The following PFKFB3 variants were observed in gnomAD, a reference collection of about 807,000 sequenced individuals.
PFKFB3 encodes the protein 6-phosphofructo-2-kinase/fructose-2,6-bisphosphatase 3.
Under a neutral mutation model 68.0 loss-of-function variants are expected in PFKFB3, and 33 were observed. The observed-to-expected ratio is 0.49, with a 90% CI of 0.37 to 0.65. The LOEUF is 0.65. Ranked by LOEUF, PFKFB3 falls within the 30% of genes least tolerant of loss-of-function variation. The pLI, the probability that PFKFB3 is intolerant of heterozygous loss-of-function variation, is 0.00. For synonymous variants in PFKFB3, 315 were observed against 288.2 expected, an observed-to-expected ratio of 1.09 and a Z score of -0.94; for missense variants, 586 against 712.2, an observed-to-expected ratio of 0.82 and a Z score of 2.02.
At chr10:6,157,763 G>C (rs1264648458) in intron 1 of PFKFB3, among the ~76,000 whole-genome samples, 1 of 152,170 alleles carries the variant, frequency 6.6e-6, no homozygotes, top group Non-Finnish European at 1.5e-5. Context: ...AAAAGGTCAT[G>C]TTATCATGAC....
At chr10:6,145,241 C>CCA (rs1841340800) in intron 1 of PFKFB3, among the ~76,000 whole-genome samples, 2 of 151,906 alleles carry the variant, frequency 1.3e-5, no homozygotes, top group Non-Finnish European at 2.9e-5. Flanking sequence ...TCCTCCGGTC[C>CCA]TGCGTGTCCC....
intron 10 of PFKFB3, among the ~76,000 whole-genome samples, chr10:6,222,504 G>A (rs1196468489): frequency 6.6e-6 from 1 of 152,112 alleles, no homozygotes; most frequent in African/African-American, 2.4e-5. Context: ...AGCCGCTCCC[G>A]CCTGCCCGGC....
Position 6,220,579 on chromosome 10 carries a change from A to T in PFKFB3, c.624-79A>T. The T allele has an allele frequency of 7.6e-7, 1 of 1,308,166 alleles. No homozygotes were observed. The highest frequency in any genetic ancestry group is 1.1e-6 in the Non-Finnish European group (1 of 913,356). 81.0% of individuals were successfully genotyped at this position (1,308,166 alleles called of 1,614,324 possible). A position where few individuals can be genotyped will look rare whatever the true frequency, so the allele number is the denominator to read the frequency against. ...CCCGCCTTGCTGTTCTCTGGGGATC[A>T]CATCTTCGGAGACGGGCCAGGTGCA... On this transcript the variant is annotated intron_variant, in intron 7 of 14. Transcript: ENST00000379775. This position sits in a 1 kb window ranked among gnomAD's most constrained non-coding sequence, Gnocchi z 4.1.
At chr10:6,266,106 A>G in the PFKFB3 span, among the ~76,000 whole-genome samples, 5 of 151,970 alleles carry the variant, frequency 3.3e-5, no homozygotes, top group African/African-American at 1.2e-4. Context: ...ACAAGGCCTT[A>G]CTATGTTGCC....
the PFKFB3 span, among the ~76,000 whole-genome samples, chr10:6,307,189 A>G: frequency 6.6e-6 from 1 of 152,128 alleles, no homozygotes; most frequent in South Asian, 2.1e-4. Context: ...GAGCTGCAAC[A>G]TCAGCTATCC....
intron 1 of PFKFB3, among the ~76,000 whole-genome samples, chr10:6,179,551 T>C (rs1405118685): frequency 2.6e-5 from 4 of 152,080 alleles, no homozygotes; most frequent in Non-Finnish European, 5.9e-5. Context: ...ACAGAAGGGT[T>C]TCTCTCCTAT....
the PFKFB3 span, among the ~76,000 whole-genome samples, chr10:6,263,695 TTC>T: frequency 6.7e-6 from 1 of 149,022 alleles, no homozygotes; most frequent in South Asian, 2.2e-4. Context: ...GGTTATTTTC[TTC>T]TGTTTTTGAG....
At position 6,220,012 on chromosome 10, in the gene PFKFB3, A is replaced by G. The variant is rs1312600299; in HGVS notation, c.623+319A>G. 6.6e-6 allele frequency among the ~76,000 whole-genome samples: 1 copy of G among 152,142 alleles called. No homozygotes were observed. Among genetic ancestry groups the G allele is most frequent in the Non-Finnish European group, 1.5e-5 (1 of 68,024 alleles). On this transcript the variant is annotated intron_variant, in intron 7 of 14. Coordinates refer to ENST00000379775, the MANE Select transcript of PFKFB3 (RefSeq NM_004566.4). The surrounding 1 kb of genome is among the most constrained non-coding windows in gnomAD (Gnocchi z 4.1). ...AGTACAGGAAGTCAACATAGAGTTG[A>G]GCCTGATTTTGCTACTGTCCCTCCG...
chr10:6,219,500 A>G (rs1235083071), intron 6 of PFKFB3, 69 bp from the exon 7 acceptor site: 1 of 1,591,160 alleles, frequency 6.3e-7, no homozygotes, highest in Non-Finnish European at 8.6e-7. Context: ...TGAAAGCCCC[A>G]AATCCTGCTT....
chr10:6,202,904 T>TAAA, upstream of PFKFB3: 3 of 1,153,054 alleles, frequency 2.6e-6, no homozygotes, highest in Non-Finnish European at 3.2e-6. Flanking sequence ...CCGGACTCTT[T>TAAA]AAAAGCCGGC....
the PFKFB3 span, among the ~76,000 whole-genome samples, chr10:6,307,330 TACACACACACAC>T: frequency 0.09 from 8,948 of 99,192 alleles, 335 homozygotes; most frequent in Middle Eastern, 0.21. Flanking sequence ...GCATGCGTAC[TACACACACACAC>T]ACACACACAC....
intron 1 of PFKFB3, among the ~76,000 whole-genome samples, chr10:6,157,509 A>AGCCAC (rs1456321870): frequency 6.6e-6 from 1 of 152,212 alleles, no homozygotes; most frequent in East Asian, 1.9e-4. Flanking sequence ...TACAGGCATG[A>AGCCAC]GCCACGGCGC....
In PFKFB3 at chr10:6,232,961, A is replaced by C. The variant is rs761737367; in HGVS notation, c.*19A>C. On this transcript the variant is annotated 3_prime_UTR_variant, in exon 15 of 15. Coordinates refer to ENST00000379775, the MANE Select transcript of PFKFB3 (RefSeq NM_004566.4). ...ACACTGAGGCAGACGTGTCGGTTCC[A>C]TTCCATTTCCATTTCTGCAGCTTAG... 9 of 1,601,948 alleles carry C rather than the reference A, an allele frequency of 5.6e-6. No individual in the cohort carries two copies. The highest frequency in any genetic ancestry group is 5.0e-5 in the Admixed American group (3 of 59,990).
the PFKFB3 span, among the ~76,000 whole-genome samples, chr10:6,290,676 G>T: frequency 6.6e-6 from 1 of 151,452 alleles, no homozygotes; most frequent in Non-Finnish European, 1.5e-5. Context: ...CTTTTTTTTT[G>T]TATTGTTAGT....
chr10:6,201,192 G>A (rs891584106), upstream of PFKFB3, among the ~76,000 whole-genome samples: 1 of 152,064 alleles, frequency 6.6e-6, no homozygotes, highest in Admixed American at 6.5e-5. This position sits in a 1 kb window ranked among gnomAD's most constrained non-coding sequence, Gnocchi z 4.1. Flanking sequence ...CCGGTGGCGC[G>A]GGCGCTCGCT....
rs145547756 is a variant in PFKFB3 at position 6,221,387 on chromosome 10, A to G, written c.838A>G (p.Ser280Gly). 2.8e-5 allele frequency: 45 copies of G among 1,613,724 alleles called. No individual in the cohort carries two copies. In the African/African-American group the frequency reaches 5.2e-4, roughly 19 times the overall value. ...CCCCTCCACCACCTCTCAGTTTGCCAGTGCTCTGAGCAAGTTCGTGGAGGA... is the reference window on the plus strand; with the variant it reads ...CCCCTCCACCACCTCTCAGTTTGCCGGTGCTCTGAGCAAGTTCGTGGAGGA... ...GLSSRGKKFA[S>G]ALSKFVEEQN... Residue 280 changes from serine to glycine, a missense_variant, in exon 9 of 15, where the codon AGT becomes GGT. Coordinates refer to ENST00000379775, the MANE Select transcript of PFKFB3 (RefSeq NM_004566.4).
the PFKFB3 span, among the ~76,000 whole-genome samples, chr10:6,282,668 A>C: frequency 1.3e-5 from 2 of 152,146 alleles, no homozygotes; most frequent in Non-Finnish European, 2.9e-5. Context: ...TATCACCACC[A>C]AGAAGGTGCG....
chr10:6,229,785 A>G lies in PFKFB3; in HGVS notation c.1516-3110A>G, dbSNP rs925536412. ...TGGTACCAGGGACCCGTTTCGTGGA[A>G]GAGAATTTTCCCCACCATGGCAGGG... On this transcript the variant is annotated intron_variant, in intron 14 of 14. Transcript: ENST00000379775. This position sits in a 1 kb window ranked among gnomAD's most constrained non-coding sequence, Gnocchi z 4.3. 6.6e-6 allele frequency among the ~76,000 whole-genome samples: 1 copy of G among 152,188 alleles called. No individual in the cohort carries two copies. Among genetic ancestry groups the G allele is most frequent in the African/African-American group, 2.4e-5 (1 of 41,432 alleles).
chr10:6,179,272 G>A (rs1842632133), intron 1 of PFKFB3, among the ~76,000 whole-genome samples: 1 of 152,250 alleles, frequency 6.6e-6, no homozygotes. Flanking sequence ...TGGCAGTCTG[G>A]CTTCCCTCTG....
Sources: allele counts gnomAD v4.1 joint callset (sites outside exome capture counted in the v4.1 genomes callset), GRCh38; gene constraint gnomAD v4.1.1; non-coding constraint Gnocchi (gnomAD v3.1); transcripts MANE v1.5; gene names NCBI Gene and HGNC (gene_info 2026-07-23, HGNC 2026-07-21).